Variants in NSD1 observed in about 807,000 individuals in gnomAD.
NSD1 encodes the protein nuclear receptor binding SET domain protein 1.
A neutral mutation model predicts 242.7 loss-of-function variants in NSD1; 26 were observed. The observed-to-expected ratio is 0.11, with a 90% confidence interval of 0.08 to 0.15. The LOEUF (loss-of-function observed/expected upper bound fraction) is 0.15, where lower values mean the gene tolerates loss of function less well. NSD1 is among the 10% of genes least tolerant of loss of function. The pLI, the probability that NSD1 is intolerant of heterozygous loss-of-function variation, is 1.00. For missense variants in NSD1, 2,495 were observed against 3,272.8 expected (o/e 0.76, Z 5.80); for synonymous variants, 1,106 against 1,178.1 (o/e 0.94, Z 1.25).
upstream of NSD1, among the ~76,000 whole-genome samples, chr5:177,132,120 A>G (rs1755924629): frequency 6.6e-6 from 1 of 152,124 alleles, no homozygotes; most frequent in Non-Finnish European, 1.5e-5. The surrounding 1 kb of genome is among the most constrained non-coding windows in gnomAD (Gnocchi z 7.5). Context: ...TGCAGGATGC[A>G]GGCCGTGAGG....
intron 2 of NSD1, among the ~76,000 whole-genome samples, chr5:177,146,333 G>A (rs1460581404): frequency 1.3e-5 from 2 of 150,916 alleles, no homozygotes; most frequent in South Asian, 2.1e-4. Context: ...AGCCTCCTGA[G>A]TAGCTGGGAC....
intron 3 of NSD1, among the ~76,000 whole-genome samples, chr5:177,196,029 A>G (rs1261426366): frequency 2.0e-5 from 3 of 152,194 alleles, no homozygotes; most frequent in Admixed American, 6.5e-5. Context: ...TAACAGGGAT[A>G]ACTGACCTGG....
chr5:177,257,844 T>TTTTTA (rs1276117720), intron 13 of NSD1, among the ~76,000 whole-genome samples: 2 of 148,544 alleles, frequency 1.3e-5, no homozygotes, highest in East Asian at 3.9e-4. Flanking sequence ...TTTATTTTAT[T>TTTTTA]TTTTTTTGAG....
At chr5:177,136,123 C>G (rs773075485) in intron 2 of NSD1, 93 bp downstream of exon 2, 1 of 1,115,090 alleles carries the variant, frequency 9.0e-7, no homozygotes, top group South Asian at 1.3e-5. Context: ...TTTTTGGTTG[C>G]TTATCAGTTC....
At chr5:177,215,734 C>A (rs1763719905) in intron 5 of NSD1, among the ~76,000 whole-genome samples, 1 of 151,772 alleles carries the variant, frequency 6.6e-6, no homozygotes, top group African/African-American at 2.4e-5. Context: ...CTTAAGTGAT[C>A]CTCCTGCTTC....
At chr5:177,236,031 C>A in intron 6 of NSD1, 86 bp downstream of exon 6, 1 of 1,424,750 alleles carries the variant, frequency 7.0e-7, no homozygotes, top group Non-Finnish European at 9.9e-7. Context: ...CTTCATGAAA[C>A]AATAATTTCC....
chr5:177,234,608 C>T (rs942603127), intron 5 of NSD1, among the ~76,000 whole-genome samples: 4 of 152,086 alleles, frequency 2.6e-5, no homozygotes, highest in South Asian at 2.1e-4. Flanking sequence ...CCCAGCTACT[C>T]AGGAGGCTGA....
At chr5:177,207,821 C>T (rs1351565559) in intron 4 of NSD1, among the ~76,000 whole-genome samples, 1 of 151,826 alleles carries the variant, frequency 6.6e-6, no homozygotes, top group Non-Finnish European at 1.5e-5. Context: ...CGGCACACTG[C>T]AACTTTCACC....
intron 4 of NSD1, among the ~76,000 whole-genome samples, chr5:177,208,523 T>G (rs1156945958): frequency 2.6e-5 from 4 of 151,686 alleles, no homozygotes; most frequent in Non-Finnish European, 5.9e-5. Context: ...TCTTTTTCTT[T>G]TTTTCTTTTC....
chr5:177,252,980 A>G (rs972428926), intron 12 of NSD1, among the ~76,000 whole-genome samples: 11 of 152,072 alleles, frequency 7.2e-5, no homozygotes, highest in African/African-American at 2.7e-4. Flanking sequence ...CTGGGCGTAT[A>G]TGCTCTTATA....
chr5:177,233,481 G>C (rs1482748357), intron 5 of NSD1, among the ~76,000 whole-genome samples: 1 of 150,860 alleles, frequency 6.6e-6, no homozygotes, highest in Non-Finnish European at 1.5e-5. Flanking sequence ...TGATTCTCAT[G>C]CTTCGGCATC....
chr5:177,208,667 T>A (rs1763090492), intron 4 of NSD1, among the ~76,000 whole-genome samples: 1 of 151,786 alleles, frequency 6.6e-6, no homozygotes, highest in Non-Finnish European at 1.5e-5. Context: ...TTCTTTTTTA[T>A]GCAACTGAAC....
Position 177,267,607 on chromosome 5 carries a change from G to A in NSD1, c.5192G>A (p.Arg1731His), listed in dbSNP as rs750040600. The stretch of plus-strand genomic sequence containing the variant: ...GATTCTTGCCCTGCTGCTTTTCATC[G>A]TGAATGCCTGAACATTGATATCCCT... Reference protein sequence around the residue: ...CCDSCPAAFHRECLNIDIPEG... With the variant: ...CCDSCPAAFHHECLNIDIPEG... The change falls in exon 15 of 23, where the codon CGT becomes CAT. Residue 1731 changes from arginine to histidine, a missense_variant. Physicochemically the swap from Arg to His is conservative, Grantham distance 29. This residue lies in a region of NSD1 where 31 missense variants were observed against 120.2 expected (regional missense o/e 0.26). Transcript: ENST00000439151. The A allele has an allele frequency of 1.2e-6, 2 of 1,613,952 alleles. No individual in the cohort carries two copies. The highest frequency in any genetic ancestry group is 8.5e-7 in the Non-Finnish European group (1 of 1,179,968).
intron 4 of NSD1, among the ~76,000 whole-genome samples, chr5:177,206,391 C>T (rs919663872): frequency 1.3e-5 from 2 of 151,976 alleles, no homozygotes; most frequent in African/African-American, 4.8e-5. Context: ...CTTCTCATGT[C>T]GGTTTCCCAA....
At chr5:177,166,134 C>T (rs1249445161) in intron 2 of NSD1, among the ~76,000 whole-genome samples, 1 of 151,330 alleles carries the variant, frequency 6.6e-6, no homozygotes, top group East Asian at 2.0e-4. Flanking sequence ...AGGATGGTCT[C>T]GAACTCCTGA....
intron 2 of NSD1, among the ~76,000 whole-genome samples, chr5:177,168,329 T>A (rs1562145937): frequency 6.6e-6 from 1 of 152,152 alleles, no homozygotes; most frequent in Non-Finnish European, 1.5e-5. Flanking sequence ...ATTTTTGACT[T>A]ATGATGGGTT....
chr5:177,136,185 AT>A (rs1756315215), intron 2 of NSD1, 155 bp downstream of exon 2: 2 of 653,080 alleles, frequency 3.1e-6, no homozygotes, highest in Non-Finnish European at 5.3e-6. Flanking sequence ...TTTTACTTTG[AT>A]TTTTAAATTT....
intron 8 of NSD1, among the ~76,000 whole-genome samples, chr5:177,243,940 G>A (rs141769384): frequency 3.4e-4 from 52 of 152,184 alleles, no homozygotes; most frequent in East Asian, 2.7e-3. Context: ...TGATCCACCC[G>A]CCTCAGCCTC....
chr5:177,182,939 CTTTT>C (rs905187777), intron 2 of NSD1, among the ~76,000 whole-genome samples: 1 of 151,860 alleles, frequency 6.6e-6, no homozygotes, highest in African/African-American at 2.4e-5. Context: ...TGCCTGGCCT[CTTTT>C]TTTGTTTTTT....
Sources: allele counts gnomAD v4.1 joint callset (sites outside exome capture counted in the v4.1 genomes callset), GRCh38; gene constraint gnomAD v4.1.1; regional missense constraint gnomAD v4.1.1; non-coding constraint Gnocchi (gnomAD v3.1); transcripts MANE v1.5; gene names NCBI Gene and HGNC (gene_info 2026-07-23, HGNC 2026-07-21).